The following EPB41L5 variants were observed in gnomAD, a reference collection of about 807,000 sequenced individuals.
The protein encoded by EPB41L5 is band 4.1-like protein 5.
EPB41L5 carries 55 observed loss-of-function variants against 106.6 expected under a neutral mutation model. The observed-to-expected ratio is 0.52, with a 90% CI of 0.42 to 0.65. The LOEUF (loss-of-function observed/expected upper bound fraction) is 0.65, where lower values mean the gene tolerates loss of function less well. Among genes scored for constraint, EPB41L5 ranks in the 30% least tolerant of loss-of-function variants. The pLI is 0.00. For missense variants in EPB41L5, 871 were observed against 882.1 expected, an observed-to-expected ratio of 0.99 and a Z score of 0.16; for synonymous variants, 297 against 306.7, an observed-to-expected ratio of 0.97 and a Z score of 0.33.
intron 3 of EPB41L5, among the ~76,000 whole-genome samples, chr2:120,053,635 A>G (rs1255460249): frequency 2.0e-5 from 3 of 152,212 alleles, no homozygotes; most frequent in Non-Finnish European, 4.4e-5. Flanking sequence ...TTCATGGTTC[A>G]TCCGTGTTGT....
At chr2:120,045,070 G>A (rs957940649) in intron 3 of EPB41L5, among the ~76,000 whole-genome samples, 9 of 152,126 alleles carry the variant, frequency 5.9e-5, no homozygotes, top group Middle Eastern at 3.2e-3. Flanking sequence ...GAAGGGAAGC[G>A]TAAAATGCGA....
At chr2:120,046,814 A>C (rs1006283992) in intron 3 of EPB41L5, among the ~76,000 whole-genome samples, 1 of 152,114 alleles carries the variant, frequency 6.6e-6, no homozygotes, top group Non-Finnish European at 1.5e-5. Flanking sequence ...TAAGTCTTTA[A>C]TCCATCTTGA....
Position 120,131,696 on chromosome 2 carries a change from A to T in EPB41L5, c.1580A>T (p.Asp527Val). ...TTGCTGTCCCCTCGATCCAACATCGATGTTAACATAAACAGCCAGGTATTC... is the reference window on the plus strand; with the variant it reads ...TTGCTGTCCCCTCGATCCAACATCGTTGTTAACATAAACAGCCAGGTATTC... ...SPLLSPRSNI[D>V]VNINSQEEVV... is the part of the protein sequence containing the mutation. Residue 527 changes from aspartate (D) to valine (V), a missense_variant, in exon 18 of 25, where the codon GAT becomes GTT. Physicochemically the swap from Asp to Val is radical, Grantham distance 152. Coordinates refer to ENST00000263713, the MANE Select transcript of EPB41L5 (RefSeq NM_020909.4). The T allele has an allele frequency of 6.2e-7, 1 of 1,613,738 alleles. No homozygotes were observed. Among genetic ancestry groups the T allele is most frequent in the Non-Finnish European group, 8.5e-7 (1 of 1,179,688 alleles).
At chr2:120,128,399 G>A (rs1324716704) in intron 17 of EPB41L5, among the ~76,000 whole-genome samples, 2 of 152,108 alleles carry the variant, frequency 1.3e-5, no homozygotes, top group African/African-American at 2.4e-5. Flanking sequence ...GCAGTTTCCT[G>A]TTGAATCTCA....
intron 7 of EPB41L5, 150 bp from the exon 8 acceptor site, chr2:120,076,821 C>A: frequency 1.6e-6 from 1 of 620,760 alleles, no homozygotes. Flanking sequence ...ACTAATATGC[C>A]AGATTTACTT....
intron 2 of EPB41L5, among the ~76,000 whole-genome samples, chr2:120,033,817 G>T (rs950287838): frequency 6.6e-6 from 1 of 152,110 alleles, no homozygotes; most frequent in African/African-American, 2.4e-5. Context: ...TTGTTGCCCA[G>T]GTGTGATGGC....
At chr2:120,047,251 C>T (rs1188076682) in intron 3 of EPB41L5, among the ~76,000 whole-genome samples, 1 of 152,140 alleles carries the variant, frequency 6.6e-6, no homozygotes, top group Non-Finnish European at 1.5e-5. Context: ...TTGCCTTGGG[C>T]AGTATGGCTA....
intron 10 of EPB41L5, among the ~76,000 whole-genome samples, chr2:120,080,327 AG>A (rs1242854853): frequency 1.3e-5 from 2 of 151,038 alleles, no homozygotes; most frequent in African/African-American, 2.4e-5. Context: ...CTCATTGTTC[AG>A]TTCCCACCGA....
intron 18 of EPB41L5, among the ~76,000 whole-genome samples, chr2:120,138,492 G>A (rs1322650006): frequency 6.6e-6 from 1 of 151,926 alleles, no homozygotes; most frequent in Non-Finnish European, 1.5e-5. Flanking sequence ...TAAAGTGGCA[G>A]GATACAGATC....
chr2:120,028,525 AAAAC>A (rs1366586159), intron 2 of EPB41L5, among the ~76,000 whole-genome samples: 2 of 152,110 alleles, frequency 1.3e-5, no homozygotes, highest in African/African-American at 2.4e-5. Flanking sequence ...AACAGAGAAA[AAAAC>A]AACAAAAGAA....
intron 3 of EPB41L5, among the ~76,000 whole-genome samples, chr2:120,048,391 G>C (rs928434018): frequency 6.6e-6 from 1 of 152,090 alleles, no homozygotes; most frequent in Admixed American, 6.5e-5. Flanking sequence ...AGTCTTGGGA[G>C]GGTGTATGTG....
At position 120,100,748 on chromosome 2, in the gene EPB41L5, C is replaced by T. The variant is rs6737124; in HGVS notation, c.1271C>T (p.Ala424Val). ...CCTGTGAGTCCTTCCATTTCCTCTG[C>T]TCCTGTGCCAGTGGAGATAGAGAAT... ...ALPVSPSISSAPVPVEIENLP... is the reference protein window; with the variant it reads ...ALPVSPSISSVPVPVEIENLP... The change falls in exon 16 of 25, where the codon GCT becomes GTT. Residue 424 changes from alanine to valine, a missense_variant. By Grantham distance (64) the Ala-to-Val change is moderately conservative. Transcript: ENST00000263713. 1.9e-6 allele frequency: 3 copies of T among 1,613,724 alleles called. No homozygotes were observed. In the African/African-American group the frequency reaches 4.0e-5, roughly 22 times the overall value.
chr2:120,076,891 C>T, intron 7 of EPB41L5, 80 bp from the exon 8 acceptor site: 2 of 1,270,470 alleles, frequency 1.6e-6, no homozygotes, highest in East Asian at 2.5e-5. Context: ...TCTTTCTAAT[C>T]TTAGCAGTTT....
At position 120,110,836 on chromosome 2, in the gene EPB41L5, A is replaced by G. The variant is rs142242012; in HGVS notation, c.1337+10022A>G. On this transcript the variant is annotated intron_variant, in intron 16 of 24. Transcript: ENST00000263713. ...TTTTTAGTAGAAACGGGGCTTCACCATGTTGGCCAGGCTGGTCTCAAACCC... is the reference window on the plus strand; with the variant it reads ...TTTTTAGTAGAAACGGGGCTTCACCGTGTTGGCCAGGCTGGTCTCAAACCC... 7.6e-3 allele frequency among the ~76,000 whole-genome samples: 1,160 copies of G among 151,918 alleles called. 12 individuals carry two copies. The highest frequency in any genetic ancestry group is 0.027 in the African/African-American group (1,100 of 41,432).
chr2:120,098,190 T>TGTGTGTGTGTGTGTGTG lies in EPB41L5; in HGVS notation c.1179-2054_1179-2053insGTGTGTGTGTGTGTGTG, dbSNP rs1574660633. ...TGTGTGTGTGTGTGTGTGTGTGTGTTTTGGTGGGGTGGGGTTTTGTTGTTG... is the reference window on the plus strand; with the variant it reads ...TGTGTGTGTGTGTGTGTGTGTGTGTTGTGTGTGTGTGTGTGTGTTGGTGGGGTGGGGTTTTGTTGTTG... On this transcript the variant is annotated intron_variant, in intron 14 of 24. Coordinates refer to ENST00000263713, the MANE Select transcript of EPB41L5 (RefSeq NM_020909.4). 9.7e-4 allele frequency among the ~76,000 whole-genome samples: 7 copies of TGTGTGTGTGTGTGTGTG among 7,208 alleles called. No homozygotes were observed. The East Asian group carries it at 0.03, about 31-fold the overall frequency. 4.7% of individuals were successfully genotyped at this position (7,208 alleles called of 152,430 possible).
chr2:120,055,395 A>G (rs1286113766), intron 3 of EPB41L5, among the ~76,000 whole-genome samples: 1 of 151,388 alleles, frequency 6.6e-6, no homozygotes, highest in Non-Finnish European at 1.5e-5. Context: ...CTGAATCTGT[A>G]TATCAATTTG....
At chr2:120,059,957 G>A (rs565880574) in intron 3 of EPB41L5, among the ~76,000 whole-genome samples, 5 of 152,208 alleles carry the variant, frequency 3.3e-5, no homozygotes, top group African/African-American at 9.6e-5. Context: ...ATGAACAAAA[G>A]ACATGAAGAG....
At chr2:120,051,044 C>G (rs1441897073) in intron 3 of EPB41L5, among the ~76,000 whole-genome samples, 2 of 152,198 alleles carry the variant, frequency 1.3e-5, no homozygotes, top group Non-Finnish European at 2.9e-5. Context: ...GGTACCCAGC[C>G]TTGTGAGGTG....
In EPB41L5 at chr2:120,160,961, G is replaced by A; in HGVS notation, c.1874G>A (p.Gly625Asp). The A allele has an allele frequency of 6.2e-7, 1 of 1,613,560 alleles. No individual in the cohort carries two copies. The highest frequency in any genetic ancestry group is 8.5e-7 in the Non-Finnish European group (1 of 1,179,508). The change falls in exon 21 of 25, where the codon GGT (glycine) becomes GAT (aspartate). Residue 625 changes from glycine to aspartate, a missense_variant. Transcript: ENST00000263713. The stretch of plus-strand genomic sequence containing the variant: ...ATGCTTATCACACCTGCCGACAGTG[G>A]TTCTGTTCTAAAGGTAAGAATACTT... ...TLMLITPADS[G>D]SVLKEATDEL...
Sources: allele counts gnomAD v4.1 joint callset (sites outside exome capture counted in the v4.1 genomes callset), GRCh38; gene constraint gnomAD v4.1.1; transcripts MANE v1.5; gene names NCBI Gene and HGNC (gene_info 2026-07-23, HGNC 2026-07-21).